Variants in ANKRD45 observed in about 807,000 individuals in gnomAD.
ANKRD45 encodes ankyrin repeat domain-containing protein 45.
ANKRD45 carries 21 observed loss-of-function variants against 28.1 expected under a neutral mutation model. The ratio of observed to expected loss-of-function variants is 0.75; its 90% CI spans 0.53 to 1.08. The LOEUF (loss-of-function observed/expected upper bound fraction) is 1.08. Among genes scored for constraint, ANKRD45 ranks in the 50% least tolerant of loss-of-function variants. ANKRD45 has a pLI of 0.00. For missense variants in ANKRD45, 261 were observed against 308.7 expected, an observed-to-expected ratio of 0.85 and a Z score of 1.16; for synonymous variants, 86 against 103.9, an observed-to-expected ratio of 0.83 and a Z score of 1.05.
At chr1:173,694,534 T>TTTTTTATTA in the ANKRD45 span, among the ~76,000 whole-genome samples, 1 of 144,102 alleles carries the variant, frequency 6.9e-6, no homozygotes, top group African/African-American at 2.5e-5. Context: ...ACTTAAGAAG[T>TTTTTTATTA]TTATTATTAT....
At chr1:173,677,771 A>AT in the ANKRD45 span, among the ~76,000 whole-genome samples, 5 of 152,168 alleles carry the variant, frequency 3.3e-5, no homozygotes, top group Non-Finnish European at 7.4e-5. Flanking sequence ...AATAACCTTA[A>AT]TTTTAAAAAA....
chr1:173,671,424 A>T (rs773889085), upstream of ANKRD45, among the ~76,000 whole-genome samples: 2 of 152,156 alleles, frequency 1.3e-5, no homozygotes, highest in Non-Finnish European at 2.9e-5. Context: ...TTGGTAAGAG[A>T]AGAATGCCTC....
chr1:173,666,730 A>G (rs1304726328), intron 1 of ANKRD45, among the ~76,000 whole-genome samples: 4 of 152,152 alleles, frequency 2.6e-5, no homozygotes, highest in Non-Finnish European at 2.9e-5. Context: ...GTTTCTCTGA[A>G]GAACTCTAAC....
rs1667054068 is a variant in ANKRD45, at chr1:173,609,472, G to A, written c.*673C>T. On this transcript the variant is annotated 3_prime_UTR_variant, in exon 6 of 6. Transcript: ENST00000333279. ...AACCAACTATCGTACTTAAAACCTA[G>A]GAAATATAAAACAGAATGGGAGGGG... is the stretch of plus-strand genomic sequence containing the variant. The A allele has an allele frequency of 6.6e-6, 1 of 152,074 alleles. No homozygotes were observed. The highest frequency in any genetic ancestry group is 6.5e-5 in the Admixed American group (1 of 15,272). The allele number at this position is 152,074 out of a possible 1,614,324, so 9.4% of individuals were successfully genotyped here. A position where few individuals can be genotyped will look rare whatever the true frequency, so the allele number is the denominator to read the frequency against.
At chr1:173,675,919 A>T in the ANKRD45 span, among the ~76,000 whole-genome samples, 1 of 152,212 alleles carries the variant, frequency 6.6e-6, no homozygotes, top group African/African-American at 2.4e-5. Flanking sequence ...TGACTTTTTT[A>T]AAGCCAAGCC....
intron 3 of ANKRD45, chr1:173,635,511 G>T: frequency 1.4e-6 from 2 of 1,476,244 alleles, no homozygotes; most frequent in Non-Finnish European, 1.8e-6. Context: ...TTTTTCAATT[G>T]ACAAAGAAGG....
intron 2 of ANKRD45, among the ~76,000 whole-genome samples, chr1:173,654,940 G>A (rs947894081): frequency 6.6e-6 from 1 of 152,146 alleles, no homozygotes; most frequent in Non-Finnish European, 1.5e-5. Context: ...ATGATTTTCA[G>A]CTCCATCAGG....
chr1:173,629,672 TCAAAAGGG>T (rs1010336319), intron 3 of ANKRD45, among the ~76,000 whole-genome samples: 5 of 151,876 alleles, frequency 3.3e-5, no homozygotes, highest in African/African-American at 9.7e-5. Flanking sequence ...GAAAATAGCC[TCAAAAGGG>T]CAAATCTAAA....
At chr1:173,694,506 T>C in the ANKRD45 span, among the ~76,000 whole-genome samples, 2 of 150,870 alleles carry the variant, frequency 1.3e-5, no homozygotes, top group African/African-American at 4.9e-5. Flanking sequence ...TAGTGTTTTC[T>C]TGACTTTTAA....
the ANKRD45 span, among the ~76,000 whole-genome samples, chr1:173,684,181 G>A: frequency 5.2e-4 from 79 of 152,194 alleles, 1 homozygote; most frequent in South Asian, 0.016. Context: ...ATGAGACAGG[G>A]TGGAGTAGGT....
rs150979626 is a variant in ANKRD45, at chr1:173,632,740, A to T, written c.497-5581T>A. On this transcript the variant is annotated intron_variant, in intron 3 of 5. Coordinates refer to ENST00000333279, the MANE Select transcript of ANKRD45 (RefSeq NM_198493.3). The stretch of plus-strand genomic sequence containing the variant: ...TGCAAATCAATTAATGTGATACATC[A>T]TATCAACAGAATGAAGGACACAAAC... 5.3e-5 allele frequency among the ~76,000 whole-genome samples: 8 copies of T among 152,232 alleles called. No homozygotes were observed. In the East Asian group the frequency reaches 1.5e-3, roughly 29 times the overall value.
rs1392465269 is a variant in ANKRD45 at position 173,646,900 on chromosome 1, C to G, written c.442G>C (p.Asp148His). Residue 148 changes from aspartate (D) to histidine (H), a missense_variant, in exon 3 of 6, where the codon GAT becomes CAT. Physicochemically the swap from Asp to His is moderately conservative, Grantham distance 81 (BLOSUM62 -1). Transcript: ENST00000333279. Reference sequence around the variant, plus strand: ...GTCTGAGAATATCTAGCAGCAACATCTCGAGCCCTTTCTTCCCGGAAGTTC... The same window carrying G: ...GTCTGAGAATATCTAGCAGCAACATGTCGAGCCCTTTCTTCCCGGAAGTTC... ...ALNFREERAR[D>H]VAARYSQTEC... 16 of 1,614,096 alleles carry G rather than the reference C, an allele frequency of 9.9e-6. No individual in the cohort carries two copies. The highest frequency in any genetic ancestry group is 1.3e-5 in the Non-Finnish European group (15 of 1,180,044).
the ANKRD45 span, among the ~76,000 whole-genome samples, chr1:173,694,495 G>A: frequency 6.6e-6 from 1 of 151,272 alleles, no homozygotes; most frequent in Non-Finnish European, 1.5e-5. Flanking sequence ...CAGATGGAAG[G>A]TAGTGTTTTC....
At chr1:173,685,601 G>C in the ANKRD45 span, among the ~76,000 whole-genome samples, 1 of 152,142 alleles carries the variant, frequency 6.6e-6, no homozygotes, top group Non-Finnish European at 1.5e-5. Flanking sequence ...TATCCTAATT[G>C]CCAAAGTTTG....
chr1:173,713,062 G>T, the ANKRD45 span, among the ~76,000 whole-genome samples: 1 of 152,148 alleles, frequency 6.6e-6, no homozygotes, highest in Non-Finnish European at 1.5e-5. Flanking sequence ...AGTTGCAAAA[G>T]AATACATATG....
chr1:173,704,877 G>A, the ANKRD45 span, among the ~76,000 whole-genome samples: 1 of 152,216 alleles, frequency 6.6e-6, no homozygotes, highest in East Asian at 1.9e-4. Flanking sequence ...GACAGAAGCA[G>A]GGCAGAGGGA....
At chr1:173,670,574 G>A (rs542912040), upstream of ANKRD45, among the ~76,000 whole-genome samples, 9 of 152,228 alleles carry the variant, frequency 5.9e-5, no homozygotes, top group African/African-American at 1.9e-4. Flanking sequence ...GCTGAAGTTC[G>A]AATAGCCTAG....
At chr1:173,688,379 T>TCTCTCTCTGCCTCTTC in the ANKRD45 span, among the ~76,000 whole-genome samples, 709 of 148,798 alleles carry the variant, frequency 4.8e-3, 19 homozygotes, top group African/African-American at 0.017. Context: ...CCTCTTCCTC[T>TCTCTCTCTGCCTCTTC]CTCTCTCTGC....
chr1:173,696,749 A>G, the ANKRD45 span, among the ~76,000 whole-genome samples: 2 of 152,128 alleles, frequency 1.3e-5, no homozygotes, highest in African/African-American at 4.8e-5. Context: ...TGCTTTTGCT[A>G]TTAGGGCTCT....
Sources: allele counts gnomAD v4.1 joint callset (sites outside exome capture counted in the v4.1 genomes callset), GRCh38; gene constraint gnomAD v4.1.1; transcripts MANE v1.5; gene names NCBI Gene and HGNC (gene_info 2026-07-23, HGNC 2026-07-21).